MTHFD2L: variants seen among roughly 807,000 people sequenced by gnomAD.
MTHFD2L encodes the protein methylenetetrahydrofolate dehydrogenase (NADP+ dependent) 2 like.
A neutral mutation model predicts 34.9 loss-of-function variants in MTHFD2L; 29 were observed. The ratio of observed to expected loss-of-function variants is 0.83; its 90% confidence interval spans 0.62 to 1.13. MTHFD2L has a LOEUF of 1.13. Ranked by LOEUF, MTHFD2L falls within the 50% of genes most tolerant of loss-of-function variation. MTHFD2L has a pLI of 0.00. For synonymous variants in MTHFD2L, 167 were observed against 155.7 expected (o/e 1.07, Z -0.54); for missense variants, 481 against 446.5 (o/e 1.08, Z -0.70).
At chr4:74,278,268 T>C (rs907965056) in intron 6 of MTHFD2L, among the ~76,000 whole-genome samples, 2 of 152,118 alleles carry the variant, frequency 1.3e-5, no homozygotes, top group Non-Finnish European at 1.5e-5. Flanking sequence ...TTGGAAAATA[T>C]TACATCCTTG....
At chr4:74,156,676 T>G (rs1050003975), upstream of MTHFD2L, 1 of 152,218 alleles carries the variant, frequency 6.6e-6, no homozygotes, top group African/African-American at 2.4e-5. Context: ...TCACCAACAA[T>G]GAATGAGAGT....
intron 6 of MTHFD2L, among the ~76,000 whole-genome samples, chr4:74,260,727 A>T (rs567488711): frequency 6.6e-6 from 1 of 152,238 alleles, no homozygotes; most frequent in African/African-American, 2.4e-5. Context: ...ATATCAAAAC[A>T]AGACAAGGAC....
intron 1 of MTHFD2L, among the ~76,000 whole-genome samples, chr4:74,131,317 C>G (rs1428734632): frequency 2.6e-5 from 4 of 152,180 alleles, no homozygotes; most frequent in African/African-American, 9.7e-5. Context: ...AAGCATCATG[C>G]TACCTGACTT....
chr4:74,145,316 A>T (rs1390882868), intron 1 of MTHFD2L, among the ~76,000 whole-genome samples: 1 of 152,256 alleles, frequency 6.6e-6, no homozygotes, highest in Non-Finnish European at 1.5e-5. Context: ...TTGTATTGAT[A>T]TTATAAGTAA....
intron 5 of MTHFD2L, among the ~76,000 whole-genome samples, chr4:74,219,541 C>T (rs542525891): frequency 5.9e-5 from 9 of 151,918 alleles, no homozygotes; most frequent in East Asian, 1.9e-4. Flanking sequence ...AATTAATGGA[C>T]GATAAGAATT....
At chr4:74,267,688 G>A in intron 6 of MTHFD2L, 1 of 984,010 alleles carries the variant, frequency 1.0e-6, no homozygotes, top group Non-Finnish European at 1.2e-6. Context: ...TCCCACCTTG[G>A]CCTCTTAAAG....
intron 6 of MTHFD2L, among the ~76,000 whole-genome samples, chr4:74,231,487 A>G (rs554447231): frequency 3.3e-5 from 5 of 152,270 alleles, no homozygotes; most frequent in African/African-American, 2.4e-5. Flanking sequence ...GGCTTCACTC[A>G]TACTATAGTC....
At chr4:74,158,079 C>T (rs1724506680), upstream of MTHFD2L, 1 of 1,531,440 alleles carries the variant, frequency 6.5e-7, no homozygotes, top group African/African-American at 1.4e-5. Context: ...AGGCCTCCAG[C>T]CGCGAGGACT....
intron 1 of MTHFD2L, among the ~76,000 whole-genome samples, chr4:74,127,386 C>T (rs1324070256): frequency 6.6e-6 from 1 of 152,168 alleles, no homozygotes; most frequent in African/African-American, 2.4e-5. Context: ...ACTATTCAAT[C>T]TCTGTTCTTC....
chr4:74,175,256 C>T, intron 2 of MTHFD2L, 25 bp from the exon 3 acceptor site: 1 of 1,607,252 alleles, frequency 6.2e-7, no homozygotes, highest in Non-Finnish European at 8.5e-7. Flanking sequence ...AGTCAAGTGA[C>T]CTTCTCTACC....
chr4:74,207,864 G>A (rs1250108872), intron 5 of MTHFD2L, among the ~76,000 whole-genome samples: 1 of 148,054 alleles, frequency 6.8e-6, no homozygotes, highest in South Asian at 2.1e-4. Flanking sequence ...CGTGATGTGA[G>A]TGGTATGTGT....
chr4:74,186,229 C>G (rs1438884237), intron 3 of MTHFD2L, among the ~76,000 whole-genome samples: 1 of 151,734 alleles, frequency 6.6e-6, no homozygotes, highest in Non-Finnish European at 1.5e-5. Flanking sequence ...AGAACTCTTT[C>G]AAGCTGATAA....
rs374917002 is a variant in MTHFD2L at position 74,115,933 on chromosome 4, TCATTC to T, written c.-144+1279_-144+1283del. Among the ~76,000 whole-genome samples, 263 of 152,250 alleles carry T rather than the reference TCATTC, an allele frequency of 1.7e-3. 1 individual carries two copies. Among genetic ancestry groups the T allele is most frequent in the African/African-American group, 5.7e-3 (238 of 41,540 alleles). ...ATTATTAAATTCCAATTGAACATGA[TCATTC>T]CAATCAAATAAGGGGAAAAAATATA... On this transcript the variant is annotated intron_variant and NMD_transcript_variant, in intron 2 of 9. Coordinates refer to the MTHFD2L transcript ENST00000429519.
At chr4:74,173,360 A>G (rs1728391011) in intron 1 of MTHFD2L, among the ~76,000 whole-genome samples, 1 of 152,134 alleles carries the variant, frequency 6.6e-6, no homozygotes, top group South Asian at 2.1e-4. Context: ...CTTCTGAAAT[A>G]CTTATAAACT....
At chr4:74,295,849 T>TCTATTCTACACCTCTCTATTCCA (rs1749565998) in intron 7 of MTHFD2L, among the ~76,000 whole-genome samples, 1 of 152,088 alleles carries the variant, frequency 6.6e-6, no homozygotes, top group African/African-American at 2.4e-5. Flanking sequence ...CCCTACACTG[T>TCTATTCTACACCTCTCTATTCCA]CTATTCTACA....
At chr4:74,289,815 A>G (rs1309178323) in intron 7 of MTHFD2L, among the ~76,000 whole-genome samples, 1 of 152,108 alleles carries the variant, frequency 6.6e-6, no homozygotes, top group Non-Finnish European at 1.5e-5. Flanking sequence ...GACTCAAAGG[A>G]TTTTGGAATA....
intron 6 of MTHFD2L, among the ~76,000 whole-genome samples, chr4:74,249,367 A>G (rs1049626774): frequency 3.9e-5 from 6 of 152,058 alleles, no homozygotes; most frequent in African/African-American, 7.2e-5. Context: ...TTTTGAGCCT[A>G]TGTGTGTCTC....
chr4:74,173,219 CAGTA>C (rs1161986011), intron 1 of MTHFD2L, among the ~76,000 whole-genome samples: 2 of 152,250 alleles, frequency 1.3e-5, no homozygotes, highest in Non-Finnish European at 2.9e-5. Context: ...AATAAACACA[CAGTA>C]AGAGCAATGT....
intron 7 of MTHFD2L, among the ~76,000 whole-genome samples, chr4:74,293,978 T>G (rs1367905818): frequency 6.6e-6 from 1 of 152,106 alleles, no homozygotes; most frequent in African/African-American, 2.4e-5. Context: ...TTCTGCTGCC[T>G]TGCCACAGAT....
Sources: allele counts gnomAD v4.1 joint callset (sites outside exome capture counted in the v4.1 genomes callset), GRCh38; gene constraint gnomAD v4.1.1; transcripts MANE v1.5; gene names NCBI Gene and HGNC (gene_info 2026-07-23, HGNC 2026-07-21).